The following DMBX1 variants were observed in gnomAD, a reference collection of about 807,000 sequenced individuals.
The protein encoded by DMBX1 is diencephalon/mesencephalon homeobox 1.
Under a neutral mutation model 30.4 loss-of-function variants are expected in DMBX1, and 7 were observed. The ratio of observed to expected loss-of-function variants is 0.23; its 90% CI spans 0.13 to 0.43. DMBX1 has a LOEUF of 0.43. Among genes scored for constraint, DMBX1 ranks in the 20% least tolerant of loss-of-function variants. The pLI, the probability that DMBX1 is intolerant of heterozygous loss-of-function variation, is 1.00. For missense variants in DMBX1, 460 were observed against 508.5 expected (o/e 0.90, Z 0.92); for synonymous variants, 222 against 214.2 (o/e 1.04, Z -0.32).
chr1:46,510,531 C>T lies in DMBX1; in HGVS notation c.210C>T (p.Arg70=), dbSNP rs750517197. 1 of 1,614,156 alleles carries T rather than the reference C, an allele frequency of 6.2e-7. No individual in the cohort carries two copies. The highest frequency in any genetic ancestry group is 8.5e-7 in the Non-Finnish European group (1 of 1,180,030). ...GSQHRKQRRS[R]TAFTAQQLEA... is the part of the protein sequence containing the mutation. ...AGCACCGCAAACAACGTCGCAGCCG[C>T]ACAGCGTTCACGGCTCAGCAGCTCG... is the stretch of plus-strand genomic sequence containing the variant. The change falls in exon 4 of 6, where the codon CGC becomes CGT. Residue 70 remains arginine, a synonymous_variant. Coordinates refer to ENST00000360032, the MANE Select transcript of DMBX1 (RefSeq NM_172225.2). This position sits in a 1 kb window ranked among gnomAD's most constrained non-coding sequence, Gnocchi z 4.1.
intron 2 of DMBX1, among the ~76,000 whole-genome samples, chr1:46,498,112 G>A (rs1360554985): frequency 6.6e-6 from 1 of 152,182 alleles, no homozygotes; most frequent in Non-Finnish European, 1.5e-5. Context: ...AGAACTGGAT[G>A]TGGAAGGGGT....
chr1:46,498,069 G>C lies in DMBX1; in HGVS notation c.-13+7286G>C, dbSNP rs151149640. ...TGCAGGCCTTGTAGGGTTCCAGCCT[G>C]GGGGGGCCTCCCTATAGGGGCCACC... On this transcript the variant is annotated intron_variant, in intron 2 of 5. Transcript: ENST00000360032. Among the ~76,000 whole-genome samples, 14 of 152,204 alleles carry C rather than the reference G, an allele frequency of 9.2e-5. No homozygotes were observed. The East Asian group carries it at 1.7e-3, about 19-fold the overall frequency.
intron 2 of DMBX1, among the ~76,000 whole-genome samples, chr1:46,496,676 G>A (rs902804953): frequency 6.6e-6 from 1 of 152,136 alleles, no homozygotes; most frequent in Non-Finnish European, 1.5e-5. Flanking sequence ...ACACATGAAC[G>A]AATCCCTCCT....
rs1335463317 is a variant in DMBX1, at chr1:46,512,387, G to A, written c.1027G>A (p.Ala343Thr). The change falls in exon 6 of 6, where the codon GCT becomes ACT. Residue 343 changes from alanine (A) to threonine (T), a missense_variant. Around this residue, in one of 3 missense-constraint regions of DMBX1, gnomAD observed 334 missense variants for 345.1 expected, o/e 0.97. Transcript: ENST00000360032. The surrounding 1 kb of genome is among the most constrained non-coding windows in gnomAD (Gnocchi z 4.8). ...GCTGCCTGCACCCCCAGCAGGCCTG[G>A]CTCCTGCATCAGCTACCCTGAACAG... ...PLLPAPPAGL[A>T]PASATLNSKT... 4 of 1,614,024 alleles carry A rather than the reference G, an allele frequency of 2.5e-6. No individual in the cohort carries two copies. Among genetic ancestry groups the A allele is most frequent in the Non-Finnish European group, 3.4e-6 (4 of 1,180,008 alleles).
intron 2 of DMBX1, among the ~76,000 whole-genome samples, chr1:46,496,442 C>T (rs977211055): frequency 2.0e-5 from 3 of 152,208 alleles, no homozygotes; most frequent in Non-Finnish European, 4.4e-5. Flanking sequence ...CAAAGGGACT[C>T]ACCTTCCTTG....
chr1:46,490,326 T>A (rs558115750), intron 1 of DMBX1, among the ~76,000 whole-genome samples: 17 of 151,828 alleles, frequency 1.1e-4, no homozygotes, highest in African/African-American at 4.1e-4. Context: ...TCCGTCACGG[T>A]TTTGCCTCAT....
intron 2 of DMBX1, among the ~76,000 whole-genome samples, chr1:46,500,894 C>T (rs571678116): frequency 6.6e-6 from 1 of 152,204 alleles, no homozygotes; most frequent in Non-Finnish European, 1.5e-5. Flanking sequence ...TTTGCCATCA[C>T]AGGCAGTGCT....
intron 2 of DMBX1, among the ~76,000 whole-genome samples, chr1:46,495,454 C>G (rs538666140): frequency 6.6e-6 from 1 of 152,166 alleles, no homozygotes; most frequent in Non-Finnish European, 1.5e-5. Flanking sequence ...AGTGATTTTA[C>G]TTCTCTGGGT....
intron 3 of DMBX1, among the ~76,000 whole-genome samples, chr1:46,509,878 G>A (rs917724201): frequency 6.6e-6 from 1 of 152,084 alleles, no homozygotes; most frequent in Non-Finnish European, 1.5e-5. Context: ...AGGAGCCTGA[G>A]GCCCTGCCAT....
intron 2 of DMBX1, among the ~76,000 whole-genome samples, 171 bp from the exon 3 acceptor site, chr1:46,506,828 A>C (rs777186058): frequency 5.3e-4 from 80 of 152,334 alleles, no homozygotes; most frequent in Non-Finnish European, 7.9e-4. Flanking sequence ...GAAGGAGTGA[A>C]TGCAGGAACC....
intron 2 of DMBX1, among the ~76,000 whole-genome samples, chr1:46,505,785 TA>T (rs71572613): frequency 0.32 from 45,690 of 143,302 alleles, 8,866 homozygotes; most frequent in Non-Finnish European, 0.45. Flanking sequence ...AACTTCTACT[TA>T]AAAAAAAAAA....
Position 46,512,220 on chromosome 1 carries a change from C to A in DMBX1, c.860C>A (p.Ala287Asp). 6.2e-7 allele frequency: 1 copy of A among 1,614,026 alleles called. No individual in the cohort carries two copies. ...TCGTCCTTCGAAGTAGGGGGTCCGG[C>A]CCCTGCTGCTGCAGCGGCGGCTGCT... Reference protein sequence around the residue: ...HYSSFEVGGPAPAAAAAAAAV... With the variant: ...HYSSFEVGGPDPAAAAAAAAV... The change falls in exon 6 of 6, where the codon GCC becomes GAC. Residue 287 changes from alanine (A) to aspartate (D), a missense_variant. By Grantham distance (126) the Ala-to-Asp change is moderately radical. Around this residue, in one of 3 missense-constraint regions of DMBX1, gnomAD observed 334 missense variants for 345.1 expected, o/e 0.97. Coordinates refer to ENST00000360032, the MANE Select transcript of DMBX1 (RefSeq NM_172225.2). This position sits in a 1 kb window ranked among gnomAD's most constrained non-coding sequence, Gnocchi z 4.8.
chr1:46,490,261 G>A lies in DMBX1; in HGVS notation c.-152-383G>A, dbSNP rs529449319. Among the ~76,000 whole-genome samples, 51 of 152,306 alleles carry A rather than the reference G, an allele frequency of 3.3e-4. No homozygotes were observed. The East Asian group carries it at 8.9e-3, about 27-fold the overall frequency. On this transcript the variant is annotated intron_variant, in intron 1 of 5. Coordinates refer to ENST00000360032, the MANE Select transcript of DMBX1 (RefSeq NM_172225.2). ...GCCGTGGGTAGAAACGCGCCGAGGC[G>A]AGGACGAAGGCCTTGGCCCGCGGAG...
intron 2 of DMBX1, among the ~76,000 whole-genome samples, chr1:46,502,461 C>T (rs1187532588): frequency 6.6e-6 from 1 of 152,134 alleles, no homozygotes; most frequent in African/African-American, 2.4e-5. Context: ...TTCGGCACCT[C>T]CTCCCACTCT....
Position 46,510,889 on chromosome 1 carries a change from C to G in DMBX1, c.334-46C>G. ...CAGAGCACCCTGCTCCACACCAACC[C>G]CACTTCTTTCTTGCCCACCTCGGAC... On this transcript the variant is annotated intron_variant, in intron 4 of 5. Coordinates refer to ENST00000360032, the MANE Select transcript of DMBX1 (RefSeq NM_172225.2). This position sits in a 1 kb window ranked among gnomAD's most constrained non-coding sequence, Gnocchi z 4.1. 6.6e-7 allele frequency: 1 copy of G among 1,525,008 alleles called. No homozygotes were observed. The highest frequency in any genetic ancestry group is 8.8e-7 in the Non-Finnish European group (1 of 1,134,322). The allele number at this position is 1,525,008 out of a possible 1,614,324, so 94.5% of individuals were successfully genotyped here.
chr1:46,493,694 A>T lies in DMBX1; in HGVS notation c.-13+2911A>T, dbSNP rs987841451. Among the ~76,000 whole-genome samples, 1 of 152,214 alleles carries T rather than the reference A, an allele frequency of 6.6e-6. No homozygotes were observed. Among genetic ancestry groups the T allele is most frequent in the Non-Finnish European group, 1.5e-5 (1 of 68,024 alleles). ...ATGAGCCCCGAGGCCACTGGAGCCC[A>T]CTGGGTTTCCCGGCCTGTTCCAGCC... On this transcript the variant is annotated intron_variant, in intron 2 of 5. Coordinates refer to ENST00000360032, the MANE Select transcript of DMBX1 (RefSeq NM_172225.2). The surrounding 1 kb of genome is among the most constrained non-coding windows in gnomAD (Gnocchi z 4.1).
In DMBX1 at chr1:46,511,130, A is replaced by T; in HGVS notation, c.529A>T (p.Ser177Cys). 1 of 1,613,958 alleles carries T rather than the reference A, an allele frequency of 6.2e-7. No individual in the cohort carries two copies. The highest frequency in any genetic ancestry group is 8.5e-7 in the Non-Finnish European group (1 of 1,179,986). ...CGACCCCCCTGCTGAGCTTCACCTG[A>T]GTCTGTCTGAGCAGTCAGCCAGTGA... Reference protein sequence around the residue: ...GSDPPAELHLSLSEQSASESA... With the variant: ...GSDPPAELHLCLSEQSASESA... Residue 177 changes from serine (S) to cysteine (C), a missense_variant, in exon 5 of 6, where the codon AGT becomes TGT. Physicochemically the swap from Ser to Cys is moderately radical, Grantham distance 112. This residue lies in a region of DMBX1 where 334 missense variants were observed against 345.1 expected (regional missense o/e 0.97). Transcript: ENST00000360032.
intron 2 of DMBX1, 53 bp from the exon 3 acceptor site, chr1:46,506,946 G>A: frequency 6.3e-7 from 1 of 1,589,662 alleles, no homozygotes; most frequent in South Asian, 1.1e-5. Flanking sequence ...GTCTCCCTGA[G>A]GGCAGAGTCT....
chr1:46,499,458 G>T (rs1425012784), intron 2 of DMBX1, among the ~76,000 whole-genome samples: 1 of 152,192 alleles, frequency 6.6e-6, no homozygotes, highest in Non-Finnish European at 1.5e-5. Context: ...ACTAGCTAGT[G>T]GGAAGAACTT....
Sources: gnomAD v4.1 joint callset for allele counts (sites outside exome capture counted in the v4.1 genomes callset) on GRCh38, gnomAD v4.1.1 for gene constraint, gnomAD v4.1.1 regional missense constraint, Gnocchi (gnomAD v3.1) non-coding constraint, MANE v1.5 for transcripts, NCBI Gene and HGNC (gene_info 2026-07-23, HGNC 2026-07-21) for gene names.